The following NALCN variants were observed in gnomAD, a reference collection of about 807,000 sequenced individuals.
The protein encoded by NALCN is sodium leak channel, non-selective, also known as sodium leak channel NALCN.
A neutral mutation model predicts 225.3 loss-of-function variants in NALCN; 111 were observed. That is an observed-to-expected ratio of 0.49 (90% CI 0.42 to 0.58). NALCN has a LOEUF of 0.58. NALCN is among the 20% of genes least tolerant of loss of function. NALCN has a pLI of 0.00. For missense variants in NALCN, 1,378 were observed against 2,202.4 expected, an observed-to-expected ratio of 0.63 and a Z score of 7.49; for synonymous variants, 764 against 769.0, an observed-to-expected ratio of 0.99 and a Z score of 0.11.
chr13:101,113,751 T>C (rs963586838), intron 18 of NALCN, among the ~76,000 whole-genome samples: 3 of 152,248 alleles, frequency 2.0e-5, no homozygotes, highest in African/African-American at 4.8e-5. Flanking sequence ...ATTTCACCTA[T>C]GTGAAAGCAC....
intron 9 of NALCN, among the ~76,000 whole-genome samples, chr13:101,291,241 T>A (rs1039455883): frequency 2.0e-5 from 3 of 152,382 alleles, no homozygotes; most frequent in African/African-American, 7.2e-5. Flanking sequence ...CTGTGGTTTG[T>A]TCTGAATGAA....
At chr13:101,360,893 G>T (rs1361373449) in intron 6 of NALCN, among the ~76,000 whole-genome samples, 1 of 152,096 alleles carries the variant, frequency 6.6e-6, no homozygotes, top group Admixed American at 6.6e-5. Flanking sequence ...TAAGCAGCTA[G>T]CTAGAAGACT....
chr13:101,275,947 T>C (rs1178807749), intron 10 of NALCN, among the ~76,000 whole-genome samples: 3 of 150,784 alleles, frequency 2.0e-5, no homozygotes, highest in Non-Finnish European at 4.4e-5. Flanking sequence ...GCCTGTAGTC[T>C]CAGCTACTCA....
intron 7 of NALCN, among the ~76,000 whole-genome samples, chr13:101,336,080 T>C (rs1384299093): frequency 1.3e-5 from 2 of 152,070 alleles, no homozygotes; most frequent in African/African-American, 4.8e-5. Flanking sequence ...TAGAAAAAGA[T>C]ATAGAAAGTT....
chr13:101,368,694 T>C (rs995927198), intron 6 of NALCN: 1 of 152,490 alleles, frequency 6.6e-6, no homozygotes, highest in African/African-American at 2.4e-5. Context: ...AATGCAGTAA[T>C]ATTGAACTGA....
intron 18 of NALCN, among the ~76,000 whole-genome samples, chr13:101,119,649 C>A (rs1017346295): frequency 6.6e-6 from 1 of 152,302 alleles, no homozygotes; most frequent in South Asian, 2.1e-4. Context: ...GGTAGTGATG[C>A]TTTTGAAAGT....
At chr13:101,110,584 C>T (rs368531951) in intron 20 of NALCN, 35 bp downstream of exon 20, 22 of 1,601,074 alleles carry the variant, frequency 1.4e-5, no homozygotes, top group South Asian at 4.4e-5. Flanking sequence ...TTCATAATCA[C>T]GTTTCTGAAA....
At chr13:101,358,018 G>C (rs1227160847) in intron 6 of NALCN, among the ~76,000 whole-genome samples, 1 of 151,858 alleles carries the variant, frequency 6.6e-6, no homozygotes, top group African/African-American at 2.4e-5. Context: ...TTATACCTTA[G>C]ACAAAAATTA....
intron 13 of NALCN, among the ~76,000 whole-genome samples, chr13:101,227,440 C>T (rs1012841056): frequency 6.6e-6 from 1 of 152,116 alleles, no homozygotes; most frequent in Non-Finnish European, 1.5e-5. Context: ...CAGAGATTGA[C>T]TCCTTGTTGA....
intron 7 of NALCN, among the ~76,000 whole-genome samples, chr13:101,323,660 A>T (rs2044836462): frequency 6.6e-6 from 1 of 152,216 alleles, no homozygotes; most frequent in Admixed American, 6.5e-5. Flanking sequence ...AGTAAGCTCA[A>T]TTATTGGTTA....
At chr13:101,162,950 G>A (rs1013740647) in intron 15 of NALCN, among the ~76,000 whole-genome samples, 3 of 152,124 alleles carry the variant, frequency 2.0e-5, no homozygotes, top group Admixed American at 1.3e-4. Flanking sequence ...TGTTGAGATG[G>A]AGATTCGCAG....
At chr13:101,213,018 G>A (rs942163700) in intron 13 of NALCN, among the ~76,000 whole-genome samples, 2 of 152,108 alleles carry the variant, frequency 1.3e-5, no homozygotes, top group African/African-American at 4.8e-5. Flanking sequence ...AACAAAGCTG[G>A]AGGCATCACG....
intron 18 of NALCN, among the ~76,000 whole-genome samples, chr13:101,119,559 C>T (rs1566834376): frequency 6.6e-6 from 1 of 152,218 alleles, no homozygotes; most frequent in Non-Finnish European, 1.5e-5. Flanking sequence ...TAACATTTCT[C>T]TATTCATTCA....
intron 15 of NALCN, among the ~76,000 whole-genome samples, chr13:101,168,606 T>G (rs1201100706): frequency 2.0e-5 from 3 of 152,140 alleles, no homozygotes; most frequent in Non-Finnish European, 4.4e-5. Flanking sequence ...CCTATTTCCT[T>G]TGGTTCAGGC....
intron 17 of NALCN, 123 bp from the exon 18 acceptor site, chr13:101,124,804 G>A (rs575689264): frequency 2.5e-5 from 22 of 872,736 alleles, no homozygotes; most frequent in Middle Eastern, 2.8e-4. Flanking sequence ...AAGCATCATC[G>A]TACAATTGAC....
chr13:101,325,635 G>C (rs1248760189), intron 7 of NALCN, among the ~76,000 whole-genome samples: 3 of 152,160 alleles, frequency 2.0e-5, no homozygotes, highest in Non-Finnish European at 4.4e-5. Flanking sequence ...ATCCAGGCTA[G>C]TGCTAGCTGC....
At chr13:101,109,289 G>A (rs1489537611) in intron 20 of NALCN, among the ~76,000 whole-genome samples, 1 of 152,102 alleles carries the variant, frequency 6.6e-6, no homozygotes, top group African/African-American at 2.4e-5. Context: ...ATAGAGCTAT[G>A]GATATTAAAA....
chr13:101,327,290 A>G (rs1284163556), intron 7 of NALCN, among the ~76,000 whole-genome samples: 1 of 152,170 alleles, frequency 6.6e-6, no homozygotes, highest in African/African-American at 2.4e-5. Context: ...ATTTAAATAA[A>G]TGATAGTTTA....
At chr13:101,358,296 A>C (rs912410188) in intron 6 of NALCN, among the ~76,000 whole-genome samples, 1 of 152,206 alleles carries the variant, frequency 6.6e-6, no homozygotes, top group African/African-American at 2.4e-5. Context: ...CAATCTACCC[A>C]TCTGACAAAG....
Sources: gnomAD v4.1 joint callset for allele counts (sites outside exome capture counted in the v4.1 genomes callset) on GRCh38, gnomAD v4.1.1 for gene constraint, MANE v1.5 for transcripts, NCBI Gene and HGNC (gene_info 2026-07-23, HGNC 2026-07-21) for gene names.